Variants in GPHN observed in about 807,000 individuals in gnomAD.
GPHN encodes the protein gephyrin.
Under a neutral mutation model 95.5 loss-of-function variants are expected in GPHN, and 17 were observed. The observed-to-expected ratio is 0.18, with a 90% CI of 0.12 to 0.27. The LOEUF (loss-of-function observed/expected upper bound fraction) is 0.27, where lower values mean the gene tolerates loss of function less well. Among genes scored for constraint, GPHN ranks in the 10% least tolerant of loss-of-function variants. The pLI, the probability that GPHN is intolerant of heterozygous loss-of-function variation, is 1.00. For synonymous variants in GPHN, 320 were observed against 322.5 expected (o/e 0.99, Z 0.08); for missense variants, 660 against 978.1 (o/e 0.67, Z 4.34).
At chr14:67,553,112 C>G in the GPHN span, among the ~76,000 whole-genome samples, 1 of 152,182 alleles carries the variant, frequency 6.6e-6, no homozygotes, top group South Asian at 2.1e-4. Flanking sequence ...TGCAAAAGAG[C>G]AAGACAAGTT....
chr14:67,571,977 GGGC>G, the GPHN span: 4 of 1,529,802 alleles, frequency 2.6e-6, no homozygotes, highest in East Asian at 9.7e-5. Context: ...ACTTGAACAT[GGGC>G]GTCCCCACTT....
the GPHN span, among the ~76,000 whole-genome samples, chr14:67,667,868 C>T: frequency 0.028 from 4,264 of 152,050 alleles, 215 homozygotes; most frequent in African/African-American, 0.098. Context: ...GGCGTGAACC[C>T]GGAAGGCAGA....
rs186211368 is a variant in GPHN at position 67,062,925 on chromosome 14, A to G, written c.1144+4139A>G. 5.1e-3 allele frequency among the ~76,000 whole-genome samples: 771 copies of G among 152,262 alleles called. 24 individuals carry two copies. The highest frequency in any genetic ancestry group is 0.044 in the Admixed American group (669 of 15,298). ...ACCGTGCAGAAAGTTCTTTAGTTTAATTAGATCCCATTCATCAATTTTGCT... is the reference window on the plus strand; with the variant it reads ...ACCGTGCAGAAAGTTCTTTAGTTTAGTTAGATCCCATTCATCAATTTTGCT... On this transcript the variant is annotated intron_variant, in intron 11 of 22. Coordinates refer to ENST00000478722, the MANE Select transcript of GPHN (RefSeq NM_020806.5).
At chr14:66,590,396 A>G (rs1412268724) in intron 1 of GPHN, among the ~76,000 whole-genome samples, 1 of 152,200 alleles carries the variant, frequency 6.6e-6, no homozygotes, top group African/African-American at 2.4e-5. Flanking sequence ...GATTAACAAA[A>G]TAGATCGAAA....
At chr14:67,623,783 C>G in the GPHN span, among the ~76,000 whole-genome samples, 4 of 152,102 alleles carry the variant, frequency 2.6e-5, no homozygotes, top group Non-Finnish European at 4.4e-5. Flanking sequence ...CTCAGGTGAT[C>G]TGCCCATCTA....
chr14:67,505,768 G>A, the GPHN span, among the ~76,000 whole-genome samples: 1 of 151,334 alleles, frequency 6.6e-6, no homozygotes, highest in African/African-American at 2.4e-5. Flanking sequence ...ATGCAGTGGT[G>A]CGATCTCAGC....
chr14:67,578,742 C>A, the GPHN span: 2 of 743,596 alleles, frequency 2.7e-6, no homozygotes, highest in East Asian at 2.7e-5. This position sits in a 1 kb window ranked among gnomAD's most constrained non-coding sequence, Gnocchi z 5.0. Context: ...CCTCTGAAAC[C>A]GCTCAGTGGT....
chr14:67,339,553 A>G, the GPHN span, among the ~76,000 whole-genome samples: 1 of 152,106 alleles, frequency 6.6e-6, no homozygotes, highest in Non-Finnish European at 1.5e-5. Flanking sequence ...ATCCCTGTAC[A>G]CTACCAGTTT....
chr14:66,681,126 G>A lies in GPHN; in HGVS notation c.84G>A (p.Arg28=). The A allele has an allele frequency of 6.3e-7, 1 of 1,593,130 alleles. No homozygotes were observed. ...GVLTVSDSCF[R]NLAEDRSGIN... is the part of the protein sequence containing the mutation. ...ATTTAGTGAGTGATAGTTGCTTCAG[G>A]AATCTTGCAGAAGACCGCAGTGGGA... Residue 28 remains arginine (R), a synonymous_variant, in exon 2 of 23, where the codon AGG becomes AGA. Transcript: ENST00000478722.
At chr14:66,572,220 A>G (rs1488161999) in intron 1 of GPHN, among the ~76,000 whole-genome samples, 5 of 151,990 alleles carry the variant, frequency 3.3e-5, no homozygotes, top group Admixed American at 3.3e-4. Flanking sequence ...TTTGCTCAAG[A>G]TTGTTTTCCT....
chr14:67,719,101 C>A, the GPHN span, among the ~76,000 whole-genome samples: 1 of 152,300 alleles, frequency 6.6e-6, no homozygotes, highest in African/African-American at 2.4e-5. Context: ...AAGGGGGACT[C>A]CTCATATCGG....
downstream of GPHN, among the ~76,000 whole-genome samples, chr14:67,184,506 G>A (rs2083358969): frequency 6.6e-6 from 1 of 152,164 alleles, no homozygotes; most frequent in Non-Finnish European, 1.5e-5. Context: ...GGAGAGAAAA[G>A]AATGGAAAGA....
the GPHN span, among the ~76,000 whole-genome samples, chr14:67,597,709 A>C: frequency 1.3e-5 from 2 of 152,126 alleles, no homozygotes; most frequent in East Asian, 3.8e-4. Flanking sequence ...ATACATAGAA[A>C]ATATTCTGGA....
the GPHN span, among the ~76,000 whole-genome samples, chr14:67,551,117 T>C: frequency 1.3e-5 from 2 of 152,362 alleles, no homozygotes; most frequent in Admixed American, 1.3e-4. Context: ...GTGAGTCTTA[T>C]AGGACACTCT....
At chr14:66,641,426 A>T (rs979659901) in intron 1 of GPHN, among the ~76,000 whole-genome samples, 6 of 152,198 alleles carry the variant, frequency 3.9e-5, no homozygotes, top group Admixed American at 3.9e-4. Flanking sequence ...TAGCCTCATT[A>T]TAAAGTTAGG....
chr14:67,080,926 A>G (rs146770061), intron 11 of GPHN, among the ~76,000 whole-genome samples: 2,970 of 152,244 alleles, frequency 0.02, 50 homozygotes, highest in Non-Finnish European at 0.028. Flanking sequence ...GTTTGCTGCA[A>G]ATGCCATTAT....
At chr14:67,519,670 G>A in the GPHN span, among the ~76,000 whole-genome samples, 1 of 151,618 alleles carries the variant, frequency 6.6e-6, no homozygotes, top group African/African-American at 2.4e-5. Context: ...GGGGAAGCAA[G>A]CAGCATAGGG....
At chr14:66,573,808 G>T (rs1419889969) in intron 1 of GPHN, among the ~76,000 whole-genome samples, 1 of 151,908 alleles carries the variant, frequency 6.6e-6, no homozygotes, top group African/African-American at 2.4e-5. Context: ...ACTTTATTAT[G>T]AATACAGCTA....
intron 17 of GPHN, among the ~76,000 whole-genome samples, chr14:67,130,940 T>A (rs982444976): frequency 2.6e-5 from 4 of 152,124 alleles, no homozygotes; most frequent in East Asian, 1.9e-4. Flanking sequence ...CTGTTCAGGT[T>A]TTTTGCCCAT....
Sources: gnomAD v4.1 joint callset for allele counts (sites outside exome capture counted in the v4.1 genomes callset) on GRCh38, gnomAD v4.1.1 for gene constraint, Gnocchi (gnomAD v3.1) non-coding constraint, MANE v1.5 for transcripts, NCBI Gene and HGNC (gene_info 2026-07-23, HGNC 2026-07-21) for gene names.